AK5: variants seen among roughly 807,000 people sequenced by gnomAD.
AK5 encodes the protein adenylate kinase isoenzyme 5.
A neutral mutation model predicts 69.5 loss-of-function variants in AK5; 27 were observed. That is an observed-to-expected ratio of 0.39 (90% CI 0.29 to 0.54). The LOEUF (loss-of-function observed/expected upper bound fraction) is 0.54, where lower values mean the gene tolerates loss of function less well. AK5 is among the 20% of genes least tolerant of loss of function. The pLI is 0.71. For missense variants in AK5, 531 were observed against 700.4 expected, an observed-to-expected ratio of 0.76 and a Z score of 2.73; for synonymous variants, 260 against 244.4, an observed-to-expected ratio of 1.06 and a Z score of -0.60.
chr1:77,366,789 G>A (rs1324073912), intron 6 of AK5, among the ~76,000 whole-genome samples: 1 of 152,076 alleles, frequency 6.6e-6, no homozygotes, highest in Non-Finnish European at 1.5e-5. Context: ...CTTCAGTAAG[G>A]TCAAATCATA....
In AK5 at chr1:77,340,473, G is replaced by A. The variant is rs565780075; in HGVS notation, c.796G>A (p.Asp266Asn). 8.1e-6 allele frequency: 13 copies of A among 1,614,088 alleles called. No homozygotes were observed. The highest frequency in any genetic ancestry group is 2.7e-5 in the African/African-American group (2 of 75,016). ...KRAEQQGRPDDNVKATQRRLM... is the reference protein window; with the variant it reads ...KRAEQQGRPDNNVKATQRRLM... ...TGCAGAACAGCAGGGCCGACCAGAC[G>A]ACAATGTAAAAGCTACCCAAAGGAG... Residue 266 changes from aspartate to asparagine, a missense_variant, in exon 6 of 14, where the codon GAC (aspartate) becomes AAC (asparagine). Coordinates refer to ENST00000354567, the MANE Select transcript of AK5 (RefSeq NM_174858.3).
chr1:77,337,002 T>A (rs548222039), intron 5 of AK5, among the ~76,000 whole-genome samples: 38 of 152,304 alleles, frequency 2.5e-4, no homozygotes, highest in African/African-American at 8.2e-4. Flanking sequence ...GCTTAGCAGA[T>A]TCATTTCAAG....
At chr1:77,516,997 G>T (rs182892829) in intron 10 of AK5, among the ~76,000 whole-genome samples, 1 of 151,802 alleles carries the variant, frequency 6.6e-6, no homozygotes, top group African/African-American at 2.4e-5. Context: ...CTTGAACCTG[G>T]GGGGTGGAGG....
At chr1:77,545,307 C>T (rs963541405) in intron 13 of AK5, among the ~76,000 whole-genome samples, 2 of 151,988 alleles carry the variant, frequency 1.3e-5, no homozygotes, top group Non-Finnish European at 2.9e-5. Context: ...AAACTTTTTA[C>T]TACAGACACA....
At chr1:77,507,013 CATAGTTA>C (rs1657070524) in intron 10 of AK5, among the ~76,000 whole-genome samples, 1 of 151,876 alleles carries the variant, frequency 6.6e-6, no homozygotes, top group African/African-American at 2.4e-5. Flanking sequence ...AAAAAAACCA[CATAGTTA>C]ATAAATAATG....
At chr1:77,459,254 A>G (rs894240519) in intron 8 of AK5, among the ~76,000 whole-genome samples, 23 of 152,206 alleles carry the variant, frequency 1.5e-4, no homozygotes, top group African/African-American at 5.5e-4. Flanking sequence ...TGCCCTTAAG[A>G]TGAATTTCAA....
At chr1:77,363,593 T>C in intron 6 of AK5, among the ~76,000 whole-genome samples, 1 of 152,222 alleles carries the variant, frequency 6.6e-6, no homozygotes, top group East Asian at 1.9e-4. Context: ...TCCTGTTCTC[T>C]CTATGACCTT....
chr1:77,427,722 T>C (rs985897339), intron 8 of AK5, among the ~76,000 whole-genome samples: 2 of 152,158 alleles, frequency 1.3e-5, no homozygotes, highest in East Asian at 3.8e-4. Flanking sequence ...CAACAACATA[T>C]GTAAAAAGCC....
chr1:77,505,882 T>C (rs1198309958), intron 10 of AK5, among the ~76,000 whole-genome samples: 1 of 151,808 alleles, frequency 6.6e-6, no homozygotes, highest in Non-Finnish European at 1.5e-5. Flanking sequence ...AGAGCAAGAC[T>C]CCATCTCAAA....
chr1:77,451,838 C>T (rs956452539), intron 8 of AK5, among the ~76,000 whole-genome samples: 3 of 152,198 alleles, frequency 2.0e-5, no homozygotes, highest in Non-Finnish European at 4.4e-5. Context: ...CAAGACCCTC[C>T]TACCCCAGGG....
At chr1:77,297,999 G>A in intron 5 of AK5, 52 bp downstream of exon 5, 2 of 1,396,466 alleles carry the variant, frequency 1.4e-6, no homozygotes, top group Admixed American at 2.2e-5. Flanking sequence ...TTAAAATTTT[G>A]GGAATAAAAA....
intron 13 of AK5, among the ~76,000 whole-genome samples, chr1:77,543,926 T>TACACACACACAC (rs142574877): frequency 2.7e-5 from 4 of 147,882 alleles, no homozygotes; most frequent in African/African-American, 9.9e-5. Flanking sequence ...TATGTGAGAG[T>TACACACACACAC]ACACACACAC....
chr1:77,384,979 C>G (rs1243619805), intron 6 of AK5, among the ~76,000 whole-genome samples: 1 of 152,024 alleles, frequency 6.6e-6, no homozygotes, highest in Non-Finnish European at 1.5e-5. Context: ...AGATGTAGAA[C>G]AGTAAGTTTA....
At chr1:77,330,264 C>A (rs1441486470) in intron 5 of AK5, among the ~76,000 whole-genome samples, 1 of 152,088 alleles carries the variant, frequency 6.6e-6, no homozygotes, top group African/African-American at 2.4e-5. Context: ...TCAAACTTTT[C>A]TTTTATGGTT....
At chr1:77,526,624 C>T (rs12062613) in intron 12 of AK5, among the ~76,000 whole-genome samples, 40 of 151,402 alleles carry the variant, frequency 2.6e-4, no homozygotes, top group African/African-American at 8.9e-4. Context: ...TACAGGCGCC[C>T]GCCACCACAC....
intron 6 of AK5, among the ~76,000 whole-genome samples, chr1:77,344,951 C>G (rs1661837663): frequency 6.8e-6 from 1 of 146,860 alleles, no homozygotes; most frequent in Non-Finnish European, 1.5e-5. Flanking sequence ...AAAATATATG[C>G]AATTTTGTTT....
At chr1:77,520,241 G>A (rs1186662666) in intron 11 of AK5, among the ~76,000 whole-genome samples, 3 of 151,078 alleles carry the variant, frequency 2.0e-5, no homozygotes, top group Non-Finnish European at 4.4e-5. Flanking sequence ...TTAACCTTCT[G>A]GGAATGCAGC....
chr1:77,341,202 A>C (rs937064939), intron 6 of AK5, among the ~76,000 whole-genome samples: 1 of 152,232 alleles, frequency 6.6e-6, no homozygotes, highest in African/African-American at 2.4e-5. Flanking sequence ...CTGAATCATT[A>C]GTTTGTACAG....
At chr1:77,486,257 G>A (rs1244535246) in intron 9 of AK5, 51 bp from the exon 10 acceptor site, 1 of 1,241,694 alleles carries the variant, frequency 8.1e-7, no homozygotes, top group Non-Finnish European at 1.2e-6. Flanking sequence ...TAAAACCAGG[G>A]CTTCAGTACA....
Sources: allele counts gnomAD v4.1 joint callset (sites outside exome capture counted in the v4.1 genomes callset), GRCh38; gene constraint gnomAD v4.1.1; transcripts MANE v1.5; gene names NCBI Gene and HGNC (gene_info 2026-07-23, HGNC 2026-07-21).